The following MICALL1 variants were observed in gnomAD, a reference collection of about 807,000 sequenced individuals.
The protein encoded by MICALL1 is MICAL like 1.
Under a neutral mutation model 83.7 loss-of-function variants are expected in MICALL1, and 61 were observed. That is an observed-to-expected ratio of 0.73 (90% confidence interval 0.59 to 0.90). The LOEUF (loss-of-function observed/expected upper bound fraction) is 0.90, where lower values mean the gene tolerates loss of function less well. Among genes scored for constraint, MICALL1 ranks in the 40% least tolerant of loss-of-function variants. MICALL1 has a pLI of 0.00. For synonymous variants in MICALL1, 481 were observed against 473.6 expected, an observed-to-expected ratio of 1.02 and a Z score of -0.20; for missense variants, 1,066 against 1,152.0, an observed-to-expected ratio of 0.93 and a Z score of 1.08.
intron 13 of MICALL1, among the ~76,000 whole-genome samples, chr22:37,933,341 G>A (rs1929907206): frequency 6.6e-6 from 1 of 152,192 alleles, no homozygotes; most frequent in Admixed American, 6.5e-5. Flanking sequence ...CGCACAGACA[G>A]TGTAGGGTGT....
At chr22:37,935,184 C>T (rs995014607) in intron 13 of MICALL1, among the ~76,000 whole-genome samples, 7 of 147,258 alleles carry the variant, frequency 4.8e-5, no homozygotes, top group Admixed American at 3.4e-4. Flanking sequence ...CACCCGCCTC[C>T]GCCTCCCAAA....
Position 37,906,745 on chromosome 22 carries a change from G to A in MICALL1, c.146+177G>A. The stretch of plus-strand genomic sequence containing the variant: ...GGTCCCTGAGACCCCGGCCCAGGGC[G>A]CCCCTCCCCCGCCCGGCCGCCCTGA... On this transcript the variant is annotated intron_variant, in intron 1 of 15. Coordinates refer to ENST00000215957, the MANE Select transcript of MICALL1 (RefSeq NM_033386.4). This position sits in a 1 kb window ranked among gnomAD's most constrained non-coding sequence, Gnocchi z 4.4. 2.6e-6 allele frequency: 1 copy of A among 388,516 alleles called. No individual in the cohort carries two copies. Among genetic ancestry groups the A allele is most frequent in the Non-Finnish European group, 3.8e-6 (1 of 263,562 alleles). 24.1% of individuals were successfully genotyped at this position (388,516 alleles called of 1,614,324 possible).
In MICALL1 at chr22:37,940,981, G is replaced by A; in HGVS notation, c.*151G>A. ...CTGGGTGATGGCCTCTTCCTCCTCAGGGACCTCTGACTGCTCTGGGCCAAA... is the reference window on the plus strand; with the variant it reads ...CTGGGTGATGGCCTCTTCCTCCTCAAGGACCTCTGACTGCTCTGGGCCAAA... On this transcript the variant is annotated 3_prime_UTR_variant, in exon 16 of 16. Coordinates refer to ENST00000215957, the MANE Select transcript of MICALL1 (RefSeq NM_033386.4). 2 of 961,722 alleles carry A rather than the reference G, an allele frequency of 2.1e-6. No individual in the cohort carries two copies. The highest frequency in any genetic ancestry group is 3.3e-5 in the South Asian group (2 of 59,972). 59.6% of individuals were successfully genotyped at this position (961,722 alleles called of 1,614,324 possible). A position where few individuals can be genotyped will look rare whatever the true frequency, so the allele number is the denominator to read the frequency against.
chr22:37,939,821 G>T (rs1261150076), intron 15 of MICALL1, among the ~76,000 whole-genome samples: 1 of 151,350 alleles, frequency 6.6e-6, no homozygotes, highest in Non-Finnish European at 1.5e-5. Flanking sequence ...AGGCACGGTG[G>T]CTCACGCCTG....
At chr22:37,928,909 G>A (rs1427305097) in intron 9 of MICALL1, among the ~76,000 whole-genome samples, 1 of 152,190 alleles carries the variant, frequency 6.6e-6, no homozygotes, top group Non-Finnish European at 1.5e-5. Context: ...GGTCACTTGA[G>A]GATAGGAGTT....
chr22:37,921,162 C>T (rs1013145669), intron 5 of MICALL1, among the ~76,000 whole-genome samples: 1 of 152,142 alleles, frequency 6.6e-6, no homozygotes, highest in Admixed American at 6.6e-5. Context: ...TAAATATTTA[C>T]CTGAAATAAA....
At position 37,926,116 on chromosome 22, in the gene MICALL1, G is replaced by C. The variant is rs1192607608; in HGVS notation, c.1465+73G>C. ...GGGCCCGGGCCTGGGGAGGGGGTGTGGTGGGGCAGAGCCTACCAGGCCAGG... is the reference window on the plus strand; with the variant it reads ...GGGCCCGGGCCTGGGGAGGGGGTGTCGTGGGGCAGAGCCTACCAGGCCAGG... On this transcript the variant is annotated intron_variant, in intron 8 of 15. Transcript: ENST00000215957. The C allele has an allele frequency of 1.5e-5, 23 of 1,484,658 alleles. No individual in the cohort carries two copies. In the South Asian group the frequency reaches 2.8e-4, roughly 18 times the overall value. 92.0% of individuals were successfully genotyped at this position (1,484,658 alleles called of 1,614,324 possible).
At chr22:37,939,660 G>C (rs1044398820) in intron 15 of MICALL1, among the ~76,000 whole-genome samples, 1 of 151,448 alleles carries the variant, frequency 6.6e-6, no homozygotes, top group African/African-American at 2.4e-5. Flanking sequence ...TGTAATCCCA[G>C]CTACTCGGGA....
At chr22:37,928,374 T>G (rs1275772303) in intron 9 of MICALL1, among the ~76,000 whole-genome samples, 4 of 151,836 alleles carry the variant, frequency 2.6e-5, no homozygotes, top group African/African-American at 9.7e-5. Context: ...GCCCAGCTAA[T>G]TTTTTGTATT....
Position 37,932,635 on chromosome 22 carries a change from A to G in MICALL1, c.2099A>G (p.His700Arg). The change falls in exon 11 of 16, where the codon CAC (histidine) becomes CGC (arginine). Residue 700 changes from histidine (H) to arginine (R), a missense_variant. Coordinates refer to ENST00000215957, the MANE Select transcript of MICALL1 (RefSeq NM_033386.4). The surrounding 1 kb of genome is among the most constrained non-coding windows in gnomAD (Gnocchi z 4.4). ...TIERRLDALEHRGVLLEEKLR... is the reference protein window; with the variant it reads ...TIERRLDALERRGVLLEEKLR... ...GAGCGCCGGCTGGATGCCCTGGAGC[A>G]CCGTGGGGTGCTGCTGGAGGAGAAG... 1 of 1,614,120 alleles carries G rather than the reference A, an allele frequency of 6.2e-7. No individual in the cohort carries two copies. Among genetic ancestry groups the G allele is most frequent in the South Asian group, 1.1e-5 (1 of 91,090 alleles).
chr22:37,938,911 C>T (rs1930284644), intron 15 of MICALL1, among the ~76,000 whole-genome samples: 1 of 152,038 alleles, frequency 6.6e-6, no homozygotes, highest in Admixed American at 6.6e-5. Flanking sequence ...CTGCGCCCGG[C>T]CCTGGCTAAT....
chr22:37,932,672 C>T lies in MICALL1; in HGVS notation c.2136C>T (p.Gly712=), dbSNP rs755781147. The change falls in exon 11 of 16, where the codon GGC becomes GGT. Residue 712 remains glycine (G), a synonymous_variant. Transcript: ENST00000215957. The surrounding 1 kb of genome is among the most constrained non-coding windows in gnomAD (Gnocchi z 4.4). ...GVLLEEKLRG[G]LNEGREDDML... ...TGCTGGAGGAGAAGCTGCGTGGCGG[C>T]CTGAATGGTGCGGGAGCGGCTGGGA... 3 of 1,613,852 alleles carry T rather than the reference C, an allele frequency of 1.9e-6. No homozygotes were observed. Among genetic ancestry groups the T allele is most frequent in the Middle Eastern group, 1.7e-4 (1 of 6,054 alleles).
rs778107008 is a variant in MICALL1, at chr22:37,927,793, C to T, written c.1848C>T (p.Ser616=). 5 of 1,611,248 alleles carry T rather than the reference C, an allele frequency of 3.1e-6. No individual in the cohort carries two copies. Among genetic ancestry groups the T allele is most frequent in the Non-Finnish European group, 4.2e-6 (5 of 1,178,462 alleles). Residue 616 remains serine (S), a synonymous_variant, in exon 9 of 16, where the codon TCC becomes TCT. Coordinates refer to ENST00000215957, the MANE Select transcript of MICALL1 (RefSeq NM_033386.4). ...LLVGDRSPVP[S]PGSSSPQLQV... is the part of the protein sequence containing the mutation. ...TTGGAGACAGGAGCCCGGTGCCTTC[C>T]CCTGGAAGCTCGTCCCCACAGCTGC...
intron 5 of MICALL1, 93 bp from the exon 6 acceptor site, chr22:37,921,879 A>G (rs1460491252): frequency 5.7e-6 from 7 of 1,222,924 alleles, no homozygotes; most frequent in Admixed American, 2.5e-5. Flanking sequence ...GGAGGAGGGA[A>G]GGGAGGAGAC....
intron 6 of MICALL1, among the ~76,000 whole-genome samples, chr22:37,922,794 TTG>T: frequency 7.3e-6 from 1 of 136,248 alleles, no homozygotes; most frequent in African/African-American, 3.0e-5. Context: ...TTGTTTTTTT[TTG>T]TTTTTTTTTT....
At position 37,925,645 on chromosome 22, in the gene MICALL1, T is replaced by A. The variant is rs771154971; in HGVS notation, c.1083-16T>A. On this transcript the variant is annotated splice_polypyrimidine_tract_variant and intron_variant, in intron 7 of 15. Transcript: ENST00000215957. ...TGCCTCTGCTAATGGTTTCTGCTGC[T>A]TCCCCCCTCCTCCAGGACACCAGCC... 2.5e-6 allele frequency: 4 copies of A among 1,587,306 alleles called. No individual in the cohort carries two copies. In the African/African-American group the frequency reaches 4.0e-5, roughly 16 times the overall value.
intron 13 of MICALL1, among the ~76,000 whole-genome samples, chr22:37,936,651 G>A (rs1342429617): frequency 6.6e-6 from 1 of 152,222 alleles, no homozygotes; most frequent in Non-Finnish European, 1.5e-5. Flanking sequence ...CCAGCACTTT[G>A]GGAGGCTGAG....
At chr22:37,912,819 G>A (rs1033136737) in intron 3 of MICALL1, among the ~76,000 whole-genome samples, 3 of 148,188 alleles carry the variant, frequency 2.0e-5, no homozygotes, top group African/African-American at 7.5e-5. Flanking sequence ...CCGGCACCAC[G>A]CCCGGCTAAT....
rs528791865 is a variant in MICALL1 at position 37,907,932 on chromosome 22, G to A, written c.146+1364G>A. ...GAAGGATGGAGGAAAAGGGCACCAGGGTTAGACCTGGGCATTGGAAGGGAG... is the reference window on the plus strand; with the variant it reads ...GAAGGATGGAGGAAAAGGGCACCAGAGTTAGACCTGGGCATTGGAAGGGAG... On this transcript the variant is annotated intron_variant, in intron 1 of 15. Coordinates refer to ENST00000215957, the MANE Select transcript of MICALL1 (RefSeq NM_033386.4). Among the ~76,000 whole-genome samples the A allele has an allele frequency of 1.5e-4, 23 of 152,346 alleles. No homozygotes were observed. The South Asian group carries it at 4.6e-3, about 30-fold the overall frequency.
Sources: allele counts gnomAD v4.1 joint callset (sites outside exome capture counted in the v4.1 genomes callset), GRCh38; gene constraint gnomAD v4.1.1; non-coding constraint Gnocchi (gnomAD v3.1); transcripts MANE v1.5; gene names NCBI Gene and HGNC (gene_info 2026-07-23, HGNC 2026-07-21).